ITPR1: variants seen among roughly 807,000 people sequenced by gnomAD.
ITPR1 encodes inositol 1,4,5-trisphosphate-gated calcium channel ITPR1.
In ITPR1, 96 loss-of-function variants were observed where a neutral mutation model predicts 318.4. The observed-to-expected ratio is 0.30, with a 90% CI of 0.26 to 0.36. The LOEUF (loss-of-function observed/expected upper bound fraction) is 0.36, where lower values mean the gene tolerates loss of function less well. ITPR1 is among the 10% of genes least tolerant of loss of function. The pLI is 1.00. For missense variants in ITPR1, 2,440 were observed against 3,460.2 expected (o/e 0.71, Z 7.40); for synonymous variants, 1,312 against 1,289.9 (o/e 1.02, Z -0.37).
At chr3:4,514,726 C>G (rs9871636) in intron 2 of ITPR1, among the ~76,000 whole-genome samples, 6,148 of 152,280 alleles carry the variant, frequency 0.04, 419 homozygotes, top group African/African-American at 0.14. Context: ...AAAATTCAAA[C>G]AAATTGTCTT....
intron 47 of ITPR1, among the ~76,000 whole-genome samples, chr3:4,776,877 T>C (rs2046520142): frequency 6.6e-6 from 1 of 152,182 alleles, no homozygotes; most frequent in Admixed American, 6.5e-5. Context: ...AGCCTTAAGC[T>C]AAAGTACAAA....
At chr3:4,663,468 T>C (rs904879630) in intron 16 of ITPR1, among the ~76,000 whole-genome samples, 67 of 152,264 alleles carry the variant, frequency 4.4e-4, no homozygotes, top group African/African-American at 1.5e-3. Flanking sequence ...CCTCAAAGGC[T>C]TGATGAATTG....
chr3:4,619,078 A>G (rs1409380397), intron 4 of ITPR1, among the ~76,000 whole-genome samples: 3 of 152,176 alleles, frequency 2.0e-5, no homozygotes. Context: ...CAGTGTTTTT[A>G]AGATACTGCT....
intron 54 of ITPR1, among the ~76,000 whole-genome samples, chr3:4,803,819 CAT>C (rs938748934): frequency 4.6e-5 from 7 of 152,158 alleles, no homozygotes; most frequent in Non-Finnish European, 1.0e-4. Context: ...TTTACAACAA[CAT>C]AAGCTGGTAG....
At chr3:4,787,707 A>G (rs966145551) in intron 51 of ITPR1, among the ~76,000 whole-genome samples, 23 of 152,124 alleles carry the variant, frequency 1.5e-4, no homozygotes, top group African/African-American at 4.8e-4. Context: ...TCTGTCTCAA[A>G]AAAATAAAAA....
At chr3:4,751,407 GC>G (rs2044507221) in intron 44 of ITPR1, 1 of 152,206 alleles carries the variant, frequency 6.6e-6, no homozygotes, top group African/African-American at 2.4e-5. Context: ...CCTGGTGGTG[GC>G]CACAGAGGCT....
intron 44 of ITPR1, among the ~76,000 whole-genome samples, chr3:4,763,190 G>A (rs1296654268): frequency 6.6e-6 from 1 of 152,124 alleles, no homozygotes; most frequent in African/African-American, 2.4e-5. Flanking sequence ...AACACACACT[G>A]GGTCCTGTTG....
intron 4 of ITPR1, among the ~76,000 whole-genome samples, chr3:4,600,103 ACATAG>A (rs1337586364): frequency 6.6e-6 from 1 of 152,212 alleles, no homozygotes; most frequent in Non-Finnish European, 1.5e-5. Context: ...GAGCTCTTTC[ACATAG>A]CATAAGTATG....
chr3:4,815,172 G>A lies in ITPR1; in HGVS notation c.7821G>A (p.Glu2607=). The A allele has an allele frequency of 6.2e-7, 1 of 1,613,960 alleles. No homozygotes were observed. The highest frequency in any genetic ancestry group is 8.5e-7 in the Non-Finnish European group (1 of 1,179,844). The part of the protein sequence containing the change: ...IIDTFADLRS[E]KQKKEEILKT... Reference sequence around the variant, plus strand: ...ACACTTTTGCTGACCTGAGGAGTGAGAAGCAGAAGAAGGAAGAGATCTTGA... The same window carrying A: ...ACACTTTTGCTGACCTGAGGAGTGAAAAGCAGAAGAAGGAAGAGATCTTGA... Residue 2607 remains glutamate (E), a synonymous_variant, in exon 59 of 62, where the codon GAG becomes GAA. Transcript: ENST00000649015.
chr3:4,575,093 T>A (rs1286964640), intron 4 of ITPR1, among the ~76,000 whole-genome samples: 20 of 152,246 alleles, frequency 1.3e-4, no homozygotes. Context: ...ATATGTTATA[T>A]TTTAGTGAAA....
chr3:4,807,140 AG>A (rs543016457), intron 55 of ITPR1, among the ~76,000 whole-genome samples: 30 of 2,056 alleles, frequency 0.015, 1 homozygote, highest in South Asian at 0.045. Context: ...TTACAAAGAG[AG>A]GGGGGACTTA....
intron 33 of ITPR1, among the ~76,000 whole-genome samples, chr3:4,695,863 A>T (rs922213339): frequency 6.6e-6 from 1 of 152,160 alleles, no homozygotes; most frequent in African/African-American, 2.4e-5. Flanking sequence ...AGGATTGTGC[A>T]TACATCCTGG....
chr3:4,681,914 TA>T (rs11402845), intron 26 of ITPR1, among the ~76,000 whole-genome samples: 53 of 151,170 alleles, frequency 3.5e-4, no homozygotes, highest in African/African-American at 9.5e-4. Context: ...TGAACCCCTT[TA>T]AAAAAAAACC....
chr3:4,746,368 C>T lies in ITPR1; in HGVS notation c.5544+11014C>T, dbSNP rs2044110165. Among the ~76,000 whole-genome samples, 2 of 152,210 alleles carry T rather than the reference C, an allele frequency of 1.3e-5. 1 individual carries two copies. Among genetic ancestry groups the T allele is most frequent in the Admixed American group, 1.3e-4 (2 of 15,288 alleles). On this transcript the variant is annotated intron_variant, in intron 44 of 61. Coordinates refer to ENST00000649015, the MANE Select transcript of ITPR1 (RefSeq NM_001378452.1). ...CTGGCCCCACCTGGGTTTCTCCACT[C>T]ACTCCCCTACGCTTATTGTCCTGCA... is the stretch of plus-strand genomic sequence containing the variant.
At chr3:4,766,736 G>T (rs2045842327) in intron 45 of ITPR1, 26 bp downstream of exon 45, 1 of 1,552,350 alleles carries the variant, frequency 6.4e-7, no homozygotes, top group Non-Finnish European at 8.7e-7. Flanking sequence ...TCTTCAGTCA[G>T]CTGGATCATG....
chr3:4,535,698 G>A (rs1292230262), intron 4 of ITPR1, among the ~76,000 whole-genome samples: 1 of 151,990 alleles, frequency 6.6e-6, no homozygotes, highest in Non-Finnish European at 1.5e-5. Flanking sequence ...ACCCGCCTCG[G>A]CCTCCCAAAG....
chr3:4,840,816 TA>T (rs2051289566), intron 61 of ITPR1, among the ~76,000 whole-genome samples: 1 of 152,178 alleles, frequency 6.6e-6, no homozygotes, highest in Admixed American at 6.5e-5. Context: ...TGTAAGAACT[TA>T]AAAATCTTTT....
At chr3:4,721,717 A>G (rs2042176802) in intron 40 of ITPR1, among the ~76,000 whole-genome samples, 1 of 152,230 alleles carries the variant, frequency 6.6e-6, no homozygotes, top group Non-Finnish European at 1.5e-5. Flanking sequence ...AGTCATAGAA[A>G]GAGACATCCC....
At chr3:4,743,992 G>A (rs1039870238) in intron 44 of ITPR1, among the ~76,000 whole-genome samples, 3 of 152,002 alleles carry the variant, frequency 2.0e-5, no homozygotes, top group African/African-American at 4.8e-5. Flanking sequence ...CCACCCCCAC[G>A]CCCAGCTAAT....
Sources: gnomAD v4.1 joint callset for allele counts (sites outside exome capture counted in the v4.1 genomes callset) on GRCh38, gnomAD v4.1.1 for gene constraint, MANE v1.5 for transcripts, NCBI Gene and HGNC (gene_info 2026-07-23, HGNC 2026-07-21) for gene names.